Variants in ELAPOR1 observed in about 807,000 individuals in gnomAD.
The protein encoded by ELAPOR1 is endosome-lysosome associated apoptosis and autophagy regulator 1.
Under a neutral mutation model 119.7 loss-of-function variants are expected in ELAPOR1, and 77 were observed. The observed-to-expected ratio is 0.64, with a 90% CI of 0.54 to 0.78. ELAPOR1 has a LOEUF of 0.78. ELAPOR1 is among the 30% of genes least tolerant of loss of function. The pLI is 0.00. For missense variants in ELAPOR1, 1,115 were observed against 1,270.4 expected (o/e 0.88, Z 1.86); for synonymous variants, 481 against 487.2 (o/e 0.99, Z 0.17).
intron 7 of ELAPOR1, among the ~76,000 whole-genome samples, chr1:109,184,448 G>A (rs556862729): frequency 1.3e-5 from 2 of 152,334 alleles, no homozygotes; most frequent in South Asian, 4.1e-4. Flanking sequence ...GTTAGGTGGA[G>A]TCCAAGGAAA....
intron 1 of ELAPOR1, among the ~76,000 whole-genome samples, chr1:109,155,187 A>T (rs57217149): frequency 0.058 from 8,807 of 151,922 alleles, 293 homozygotes; most frequent in African/African-American, 0.076. Flanking sequence ...ATATATATAT[A>T]TTTTTTTGAG....
intron 1 of ELAPOR1, among the ~76,000 whole-genome samples, chr1:109,134,116 T>C (rs372582295): frequency 5.9e-5 from 9 of 152,268 alleles, no homozygotes; most frequent in African/African-American, 2.2e-4. Flanking sequence ...TTTTATTCCT[T>C]GTAGCAGAAG....
intron 4 of ELAPOR1, 95 bp downstream of exon 4, chr1:109,172,108 G>A: frequency 7.0e-7 from 1 of 1,430,346 alleles, no homozygotes; most frequent in Non-Finnish European, 9.8e-7. Flanking sequence ...GCCCTGCTTG[G>A]GGGAATCACT....
rs766084495 is a variant in ELAPOR1, at chr1:109,198,035, C to G, written c.2359C>G (p.Leu787Val). The G allele has an allele frequency of 6.2e-7, 1 of 1,614,090 alleles. No individual in the cohort carries two copies. Residue 787 changes from leucine to valine, a missense_variant, in exon 17 of 22, where the codon CTG (leucine) becomes GTG (valine). Leu to Val is a conservative substitution (Grantham distance 32). Transcript: ENST00000369939. ...CACCTCCCCAGCTGAACTTTTCCAC[C>G]TGGAGTCCTTGGGAATACCGGACGT... ...GITSPAELFH[L>V]ESLGIPDVIF... is the part of the protein sequence containing the mutation.
At chr1:109,137,237 T>G (rs921258048) in intron 1 of ELAPOR1, among the ~76,000 whole-genome samples, 4 of 152,170 alleles carry the variant, frequency 2.6e-5, no homozygotes, top group African/African-American at 9.7e-5. Flanking sequence ...GGTGTCTCAC[T>G]CTGTTGCCCA....
chr1:109,120,595 C>A (rs1648343375), intron 1 of ELAPOR1, among the ~76,000 whole-genome samples: 1 of 152,000 alleles, frequency 6.6e-6, no homozygotes, highest in African/African-American at 2.4e-5. Flanking sequence ...TATAAATTAC[C>A]TAGTCTATGG....
intron 21 of ELAPOR1, chr1:109,201,417 GGTGA>G: frequency 2.2e-6 from 1 of 454,740 alleles, no homozygotes; most frequent in South Asian, 1.6e-5. Context: ...TGTGTGGGTG[GGTGA>G]GTATGAAGCT....
chr1:109,171,240 G>A (rs953464343), intron 3 of ELAPOR1, among the ~76,000 whole-genome samples: 3 of 152,120 alleles, frequency 2.0e-5, no homozygotes, highest in Non-Finnish European at 4.4e-5. Flanking sequence ...AAGGTAGTAA[G>A]CAACCAATAA....
chr1:109,199,818 C>T (rs777495234), intron 18 of ELAPOR1, 36 bp from the exon 19 acceptor site: 12 of 1,602,894 alleles, frequency 7.5e-6, no homozygotes, highest in South Asian at 4.4e-5. Flanking sequence ...ACCCCTCCAG[C>T]GAGTGAGAGC....
At position 109,177,514 on chromosome 1, in the gene ELAPOR1, G is replaced by A. The variant is rs34088592; in HGVS notation, c.952+3677G>A. The stretch of plus-strand genomic sequence containing the variant: ...CAGATGGGATGGCGGCCGGGAAGAG[G>A]CGCTCCTCACTTCCCAGACGGGGTG... On this transcript the variant is annotated intron_variant, in intron 7 of 21. Transcript: ENST00000369939. Among the ~76,000 whole-genome samples the A allele has an allele frequency of 2.7e-3, 194 of 70,760 alleles. 1 individual carries two copies. Among genetic ancestry groups the A allele is most frequent in the Middle Eastern group, 0.026 (3 of 116 alleles). 46.4% of individuals were successfully genotyped at this position (70,760 alleles called of 152,430 possible). A position where few individuals can be genotyped will look rare whatever the true frequency, so the allele number is the denominator to read the frequency against.
At position 109,188,321 on chromosome 1, in the gene ELAPOR1, C is replaced by T; in HGVS notation, c.1186C>T (p.Pro396Ser). The T allele has an allele frequency of 6.2e-7, 1 of 1,614,040 alleles. No homozygotes were observed. Among genetic ancestry groups the T allele is most frequent in the Non-Finnish European group, 8.5e-7 (1 of 1,179,886 alleles). Residue 396 changes from proline to serine, a missense_variant, in exon 9 of 22, where the codon CCC becomes TCC. Physicochemically the swap from Pro to Ser is moderately conservative, Grantham distance 74 (BLOSUM62 -1). Transcript: ENST00000369939. Reference sequence around the variant, plus strand: ...CAAAACCAACAACAGCACCTGCCAGCCCTGCCCATATGGTTCCTACTCCAA... The same window carrying T: ...CAAAACCAACAACAGCACCTGCCAGTCCTGCCCATATGGTTCCTACTCCAA... ...FFKTNNSTCQ[P>S]CPYGSYSNGS...
chr1:109,173,409 C>A (rs898919980), intron 5 of ELAPOR1, 65 bp from the exon 6 acceptor site: 3 of 1,330,818 alleles, frequency 2.3e-6, no homozygotes, highest in South Asian at 1.2e-5. Flanking sequence ...CAACAAGAGG[C>A]TATACCAACA....
intron 15 of ELAPOR1, among the ~76,000 whole-genome samples, 192 bp from the exon 16 acceptor site, chr1:109,197,282 G>A (rs1653865157): frequency 6.6e-6 from 1 of 152,124 alleles, no homozygotes; most frequent in Non-Finnish European, 1.5e-5. Flanking sequence ...TCAAGACTCT[G>A]TCTCAAAAAG....
At chr1:109,182,839 C>CCTGGGCAA (rs1235707342) in intron 7 of ELAPOR1, among the ~76,000 whole-genome samples, 1 of 146,080 alleles carries the variant, frequency 6.8e-6, no homozygotes, top group African/African-American at 2.5e-5. Context: ...TGCACTCCAG[C>CCTGGGCAA]CTGGGCAACA....
chr1:109,154,273 C>T (rs538060236), intron 1 of ELAPOR1, among the ~76,000 whole-genome samples: 65 of 129,468 alleles, frequency 5.0e-4, no homozygotes, highest in African/African-American at 1.8e-3. Context: ...AAGAGCGAAA[C>T]TCCGTCTCAA....
At chr1:109,181,459 T>G (rs1652693382) in intron 7 of ELAPOR1, among the ~76,000 whole-genome samples, 1 of 152,186 alleles carries the variant, frequency 6.6e-6, no homozygotes, top group African/African-American at 2.4e-5. Flanking sequence ...GAAAGGAGGT[T>G]GGTCTCAGCA....
At chr1:109,200,691 C>G in intron 20 of ELAPOR1, 44 bp from the exon 21 acceptor site, 2 of 1,590,200 alleles carry the variant, frequency 1.3e-6, no homozygotes, top group Non-Finnish European at 1.7e-6. Flanking sequence ...CCCCCTTATT[C>G]CCACATTTTG....
At position 109,197,581 on chromosome 1, in the gene ELAPOR1, C is replaced by G; in HGVS notation, c.2229C>G (p.Ile743Met). 6.2e-7 allele frequency: 1 copy of G among 1,614,206 alleles called. No individual in the cohort carries two copies. The highest frequency in any genetic ancestry group is 1.1e-5 in the South Asian group (1 of 91,086). The change falls in exon 16 of 22, where the codon ATC (isoleucine) becomes ATG (methionine). Residue 743 changes from isoleucine to methionine, a missense_variant. Ile to Met is a conservative substitution (Grantham distance 10). Coordinates refer to ENST00000369939, the MANE Select transcript of ELAPOR1 (RefSeq NM_020775.5). The part of the protein sequence containing the change: ...SITAYVCQAV[I>M]IPPEVTGYKA... Reference sequence around the variant, plus strand: ...CAGCCTACGTCTGCCAGGCAGTCATCATCCCCCCAGAGGTGACAGGCTACA... The same window carrying G: ...CAGCCTACGTCTGCCAGGCAGTCATGATCCCCCCAGAGGTGACAGGCTACA...
intron 8 of ELAPOR1, 143 bp from the exon 9 acceptor site, chr1:109,188,034 G>A: frequency 1.4e-6 from 2 of 1,424,594 alleles, no homozygotes; most frequent in East Asian, 5.0e-5. Context: ...ACATCCGTGA[G>A]CCACACAAAG....
Sources: gnomAD v4.1 joint callset for allele counts (sites outside exome capture counted in the v4.1 genomes callset) on GRCh38, gnomAD v4.1.1 for gene constraint, MANE v1.5 for transcripts, NCBI Gene and HGNC (gene_info 2026-07-23, HGNC 2026-07-21) for gene names.